The following CIMAP3 variants were observed in gnomAD, a reference collection of about 807,000 sequenced individuals.
CIMAP3 encodes ciliary microtubule associated protein 3.
the CIMAP3 span, among the ~76,000 whole-genome samples, chr1:111,335,071 T>C: frequency 7.9e-6 from 1 of 126,266 alleles, no homozygotes; most frequent in Non-Finnish European, 1.5e-5. Context: ...GAGGTTGCAG[T>C]GAGCTGAGAT....
chr1:111,335,981 C>T, the CIMAP3 span, among the ~76,000 whole-genome samples: 1 of 152,200 alleles, frequency 6.6e-6, no homozygotes, highest in Non-Finnish European at 1.5e-5. Flanking sequence ...CTTACACGGC[C>T]GGGTACTCCT....
At chr1:111,347,558 A>C in the CIMAP3 span, 2 of 649,276 alleles carry the variant, frequency 3.1e-6, no homozygotes, top group South Asian at 3.9e-5. Context: ...TCAGATGGGA[A>C]CACACTAAGC....
chr1:111,332,854 C>T, the CIMAP3 span, among the ~76,000 whole-genome samples: 1 of 152,110 alleles, frequency 6.6e-6, no homozygotes, highest in East Asian at 1.9e-4. Context: ...TGGGGGCTTG[C>T]CCTCCAGGGG....
chr1:111,336,722 T>A, the CIMAP3 span, among the ~76,000 whole-genome samples: 1 of 152,226 alleles, frequency 6.6e-6, no homozygotes, highest in African/African-American at 2.4e-5. Flanking sequence ...TTCGTCTGAT[T>A]GGTGTACCTG....
the CIMAP3 span, among the ~76,000 whole-genome samples, chr1:111,338,780 G>A: frequency 3.9e-5 from 6 of 152,174 alleles, no homozygotes; most frequent in South Asian, 1.2e-3. Flanking sequence ...GAGGTACAAG[G>A]AGGAACTGGT....
At chr1:111,330,162 A>G in the CIMAP3 span, among the ~76,000 whole-genome samples, 1 of 152,030 alleles carries the variant, frequency 6.6e-6, no homozygotes, top group Admixed American at 6.5e-5. Context: ...GTTCCTATCC[A>G]TATTCTGAAT....
the CIMAP3 span, among the ~76,000 whole-genome samples, chr1:111,325,300 A>C: frequency 6.6e-6 from 1 of 152,254 alleles, no homozygotes; most frequent in Admixed American, 6.5e-5. Flanking sequence ...ACCAAGGCTT[A>C]GGAAGTTTAA....
the CIMAP3 span, chr1:111,350,083 G>A: frequency 1.3e-6 from 2 of 1,575,716 alleles, no homozygotes; most frequent in East Asian, 4.5e-5. Context: ...CATTAGACAT[G>A]ATGCTTGTAT....
chr1:111,335,786 A>G, the CIMAP3 span, among the ~76,000 whole-genome samples: 1 of 152,232 alleles, frequency 6.6e-6, no homozygotes, highest in Non-Finnish European at 1.5e-5. Flanking sequence ...CAGACCAACA[A>G]AAAGGCAGCA....
At chr1:111,351,273 A>T in the CIMAP3 span, 1 of 1,605,616 alleles carries the variant, frequency 6.2e-7, no homozygotes, top group Non-Finnish European at 8.5e-7. Context: ...CCACAGACAA[A>T]GACTTTAGAA....
At chr1:111,343,281 A>C in the CIMAP3 span, among the ~76,000 whole-genome samples, 1 of 152,238 alleles carries the variant, frequency 6.6e-6, no homozygotes, top group African/African-American at 2.4e-5. Flanking sequence ...ATTATACAAA[A>C]AATTGAATCT....
the CIMAP3 span, among the ~76,000 whole-genome samples, chr1:111,329,792 A>G: frequency 0.48 from 73,259 of 151,270 alleles, 17,976 homozygotes; most frequent in South Asian, 0.54. Context: ...GACCTCAGGT[A>G]ATCAGCCCGC....
chr1:111,348,067 A>G, the CIMAP3 span, among the ~76,000 whole-genome samples: 9 of 152,318 alleles, frequency 5.9e-5, no homozygotes, highest in South Asian at 4.1e-4. Context: ...TTGTGTTTAT[A>G]TACATTATAT....
the CIMAP3 span, chr1:111,324,763 G>A: frequency 2.0e-6 from 2 of 985,356 alleles, no homozygotes; most frequent in South Asian, 4.7e-5. Context: ...TTCCCCTGAG[G>A]ACCTGTTCTT....
At chr1:111,347,155 C>T in the CIMAP3 span, 1 of 1,295,542 alleles carries the variant, frequency 7.7e-7, no homozygotes. Context: ...CTTGAGATCT[C>T]CAGAGTCCCA....
the CIMAP3 span, among the ~76,000 whole-genome samples, chr1:111,342,671 C>G: frequency 1.3e-5 from 2 of 152,304 alleles, no homozygotes; most frequent in East Asian, 1.9e-4. Context: ...ATTTCTCCCC[C>G]CAGGCACTGT....
At chr1:111,340,767 A>C in the CIMAP3 span, among the ~76,000 whole-genome samples, 1 of 152,040 alleles carries the variant, frequency 6.6e-6, no homozygotes, top group Non-Finnish European at 1.5e-5. Flanking sequence ...TGGGACTGTA[A>C]ACTAGTTCAA....
the CIMAP3 span, chr1:111,351,418 C>A: frequency 8.5e-7 from 1 of 1,171,602 alleles, no homozygotes; most frequent in Non-Finnish European, 1.2e-6. Context: ...GTTACTGTGG[C>A]CCTCTTGTCT....
At chr1:111,337,285 T>A in the CIMAP3 span, among the ~76,000 whole-genome samples, 1 of 152,158 alleles carries the variant, frequency 6.6e-6, no homozygotes, top group African/African-American at 2.4e-5. Flanking sequence ...AGAAACTGCA[T>A]CAACTAACGT....
Sources: allele counts gnomAD v4.1 joint callset (sites outside exome capture counted in the v4.1 genomes callset), GRCh38; gene constraint gnomAD v4.1.1; transcripts MANE v1.5; gene names NCBI Gene and HGNC (gene_info 2026-07-23, HGNC 2026-07-21).